Variants in SPOPL observed in about 807,000 individuals in gnomAD.
SPOPL encodes speckle-type POZ protein-like.
SPOPL carries 23 observed loss-of-function variants against 53.8 expected under a neutral mutation model. That is an observed-to-expected ratio of 0.43 (90% CI 0.31 to 0.61). SPOPL has a LOEUF of 0.61. Among genes scored for constraint, SPOPL ranks in the 20% least tolerant of loss-of-function variants. SPOPL has a pLI of 0.12. For synonymous variants in SPOPL, 164 were observed against 149.7 expected, an observed-to-expected ratio of 1.10 and a Z score of -0.70; for missense variants, 442 against 466.9, an observed-to-expected ratio of 0.95 and a Z score of 0.49.
chr2:138,536,396 G>T (rs1313542554), intron 1 of SPOPL, among the ~76,000 whole-genome samples: 3 of 151,800 alleles, frequency 2.0e-5, no homozygotes, highest in Non-Finnish European at 4.4e-5. Flanking sequence ...TTGCACCTCT[G>T]GGGAAGCAGC....
chr2:138,512,196 ATT>A (rs1248790028), intron 1 of SPOPL, among the ~76,000 whole-genome samples: 1 of 152,100 alleles, frequency 6.6e-6, no homozygotes, highest in African/African-American at 2.4e-5. Flanking sequence ...TAAAATATTG[ATT>A]TGTCTTTTAA....
At chr2:138,511,684 G>A (rs1684328299) in intron 1 of SPOPL, among the ~76,000 whole-genome samples, 1 of 152,150 alleles carries the variant, frequency 6.6e-6, no homozygotes. Context: ...GTTAAAATGT[G>A]ACAAAAATAG....
intron 4 of SPOPL, 124 bp from the exon 5 acceptor site, chr2:138,552,430 G>A (rs925289194): frequency 9.7e-6 from 11 of 1,130,938 alleles, no homozygotes; most frequent in South Asian, 3.7e-5. Context: ...CACAAATATC[G>A]GTAACTTTTA....
chr2:138,564,922 T>C lies in SPOPL; in HGVS notation c.981-18T>C, dbSNP rs754075526. ...TTCTCTGGACTTTTTTTTAAGTATG[T>C]TTAAATCTTCAATGCAGGTGCAGTG... On this transcript the variant is annotated intron_variant, in intron 9 of 10. Coordinates refer to ENST00000280098, the MANE Select transcript of SPOPL (RefSeq NM_001001664.3). 122 of 1,614,022 alleles carry C rather than the reference T, an allele frequency of 7.6e-5. No homozygotes were observed. In the South Asian group the frequency reaches 1.3e-3, roughly 17 times the overall value.
At chr2:138,519,591 G>A (rs1242579782) in intron 1 of SPOPL, among the ~76,000 whole-genome samples, 2 of 152,112 alleles carry the variant, frequency 1.3e-5, no homozygotes. Flanking sequence ...TTGAGCCCAG[G>A]AGTTCAGGAC....
chr2:138,514,709 C>T (rs1292721116), intron 1 of SPOPL, among the ~76,000 whole-genome samples: 1 of 152,052 alleles, frequency 6.6e-6, no homozygotes, highest in Admixed American at 6.6e-5. Context: ...TGTGCATTTC[C>T]CTGGGTAATG....
chr2:138,534,389 C>G (rs949776629), intron 1 of SPOPL, among the ~76,000 whole-genome samples: 2 of 152,068 alleles, frequency 1.3e-5, no homozygotes, highest in Non-Finnish European at 2.9e-5. Context: ...TAGAGATGAT[C>G]TAAAGATACC....
At chr2:138,566,465 A>G (rs1314086516) in intron 10 of SPOPL, among the ~76,000 whole-genome samples, 1 of 152,220 alleles carries the variant, frequency 6.6e-6, no homozygotes, top group Non-Finnish European at 1.5e-5. Context: ...ATTTATTAAT[A>G]AATGAAAAAG....
intron 7 of SPOPL, among the ~76,000 whole-genome samples, chr2:138,560,603 CT>C (rs1269714550): frequency 1.3e-5 from 2 of 152,022 alleles, no homozygotes; most frequent in Non-Finnish European, 2.9e-5. Context: ...GACTTGTCCA[CT>C]TCACTTTGCC....
In SPOPL at chr2:138,570,195, T is replaced by A. The variant is rs565525317; in HGVS notation, c.*1115T>A. The A allele has an allele frequency of 1.3e-3, 205 of 152,246 alleles. No homozygotes were observed. Among genetic ancestry groups the A allele is most frequent in the African/African-American group, 4.9e-3 (202 of 41,544 alleles). 9.4% of individuals were successfully genotyped at this position (152,246 alleles called of 1,614,324 possible). On this transcript the variant is annotated 3_prime_UTR_variant, in exon 11 of 11. Coordinates refer to ENST00000280098, the MANE Select transcript of SPOPL (RefSeq NM_001001664.3). ...TGAATCCTGGATAGTCTACTCTCCT[T>A]CAAACAATTAACTGATACTTGCCTT...
chr2:138,519,821 A>T (rs1467889020), intron 1 of SPOPL, among the ~76,000 whole-genome samples: 2 of 152,178 alleles, frequency 1.3e-5, no homozygotes, highest in Non-Finnish European at 2.9e-5. Context: ...ATTTTTAAAA[A>T]AGTAAAGTTT....
intron 5 of SPOPL, among the ~76,000 whole-genome samples, chr2:138,554,840 G>T (rs1327297510): frequency 1.3e-5 from 2 of 152,114 alleles, no homozygotes; most frequent in Non-Finnish European, 1.5e-5. Context: ...ATTTCATGAG[G>T]TTTAACTAGC....
Position 138,550,179 on chromosome 2 carries a change from G to C in SPOPL, c.-38G>C. 1 of 1,587,716 alleles carries C rather than the reference G, an allele frequency of 6.3e-7. No individual in the cohort carries two copies. The highest frequency in any genetic ancestry group is 8.6e-7 in the Non-Finnish European group (1 of 1,157,202). On this transcript the variant is annotated 5_prime_UTR_variant, in exon 2 of 11. Coordinates refer to ENST00000280098, the MANE Select transcript of SPOPL (RefSeq NM_001001664.3). ...TAGGTAAGGTACTCAACTGTGTGGGGTACTACATAAATCCTGAAAGACTAC... is the reference window on the plus strand; with the variant it reads ...TAGGTAAGGTACTCAACTGTGTGGGCTACTACATAAATCCTGAAAGACTAC...
Position 138,552,582 on chromosome 2 carries a change from A to G in SPOPL, c.381A>G (p.Gln127=). The G allele has an allele frequency of 2.5e-6, 4 of 1,612,840 alleles. No individual in the cohort carries two copies. The highest frequency in any genetic ancestry group is 3.4e-6 in the Non-Finnish European group (4 of 1,179,234). The change falls in exon 5 of 11, where the codon CAA becomes CAG. Residue 127 remains glutamine, a synonymous_variant. Coordinates refer to ENST00000280098, the MANE Select transcript of SPOPL (RefSeq NM_001001664.3). Reference sequence around the variant, plus strand: ...GCCAAAGAGCATATCGATTTGTGCAAGGGAAGGACTGGGGTTTTAAAAAAT... The same window carrying G: ...GCCAAAGAGCATATCGATTTGTGCAGGGGAAGGACTGGGGTTTTAAAAAAT... ...MESQRAYRFV[Q]GKDWGFKKFI...
intron 1 of SPOPL, among the ~76,000 whole-genome samples, chr2:138,525,664 A>AAAAAC (rs1553468807): frequency 1.7e-3 from 67 of 38,610 alleles, no homozygotes; most frequent in African/African-American, 3.6e-3. Flanking sequence ...TAGAAAAAAA[A>AAAAAC]AAAAAAAAAA....
intron 1 of SPOPL, among the ~76,000 whole-genome samples, chr2:138,521,525 CAG>C (rs1429456843): frequency 2.0e-5 from 3 of 152,058 alleles, no homozygotes; most frequent in African/African-American, 7.2e-5. Flanking sequence ...ATTGTGTACA[CAG>C]GGGTTCACTC....
chr2:138,529,727 A>G (rs1393252194), intron 1 of SPOPL, among the ~76,000 whole-genome samples: 3 of 152,200 alleles, frequency 2.0e-5, no homozygotes, highest in Non-Finnish European at 4.4e-5. Flanking sequence ...TAAGTTTTAG[A>G]ATCAACTTGT....
intron 4 of SPOPL, among the ~76,000 whole-genome samples, chr2:138,552,286 T>G (rs568962047): frequency 6.0e-4 from 91 of 152,158 alleles, no homozygotes; most frequent in African/African-American, 2.1e-3. Context: ...CTTCTCCATG[T>G]GATTTGATCT....
Position 138,569,240 on chromosome 2 carries a change from G to T in SPOPL, c.*160G>T. ...CTTGCATTTCAGGTGGATAATTTAT[G>T]GTTTATTCTTCAGCTTTAAATTAGA... On this transcript the variant is annotated 3_prime_UTR_variant, in exon 11 of 11. Transcript: ENST00000280098. The T allele has an allele frequency of 5.2e-6, 4 of 762,344 alleles. No homozygotes were observed. Among genetic ancestry groups the T allele is most frequent in the Non-Finnish European group, 6.3e-6 (3 of 474,458 alleles). The allele number at this position is 762,344 out of a possible 1,614,324, so 47.2% of individuals were successfully genotyped here.
Sources: allele counts gnomAD v4.1 joint callset (sites outside exome capture counted in the v4.1 genomes callset), GRCh38; gene constraint gnomAD v4.1.1; transcripts MANE v1.5; gene names NCBI Gene and HGNC (gene_info 2026-07-23, HGNC 2026-07-21).